Variants in USP34 observed in about 807,000 individuals in gnomAD.
USP34 encodes the protein ubiquitin carboxyl-terminal hydrolase 34.
USP34 carries 70 observed loss-of-function variants against 460.3 expected under a neutral mutation model. The ratio of observed to expected loss-of-function variants is 0.15; its 90% CI spans 0.13 to 0.19. USP34 has a LOEUF of 0.19. Among genes scored for constraint, USP34 ranks in the 10% least tolerant of loss-of-function variants. The pLI is 1.00. For synonymous variants in USP34, 1,647 were observed against 1,405.3 expected (o/e 1.17, Z -3.85); for missense variants, 3,985 against 4,236.2 (o/e 0.94, Z 1.65).
At chr2:61,435,537 A>G (rs919415420) in intron 1 of USP34, among the ~76,000 whole-genome samples, 7 of 152,108 alleles carry the variant, frequency 4.6e-5, no homozygotes, top group Non-Finnish European at 8.8e-5. Flanking sequence ...AAACCTTCAC[A>G]AACAAAGAAA....
At chr2:61,305,942 T>C (rs1485854268) in intron 27 of USP34, among the ~76,000 whole-genome samples, 2 of 152,184 alleles carry the variant, frequency 1.3e-5, no homozygotes, top group East Asian at 1.9e-4. Context: ...GGTTGTTTTT[T>C]TCTTGTAAAT....
At position 61,301,020 on chromosome 2, in the gene USP34, A is replaced by C. The variant is rs372057960; in HGVS notation, c.4059T>G (p.Leu1353=). 6.2e-7 allele frequency: 1 copy of C among 1,614,030 alleles called. No homozygotes were observed. The highest frequency in any genetic ancestry group is 1.3e-5 in the African/African-American group (1 of 75,030). The stretch of plus-strand genomic sequence containing the variant: ...ATGCAAGCATCTCTAATAAATCAAA[A>C]AGAGTAGTTAAATGAGGCTCTTGTA... ...LLLQEPHLTT[L]FDLLEMLASF... Residue 1353 remains leucine (L), a synonymous_variant, in exon 29 of 80, where the codon CTT becomes CTG. Coordinates refer to ENST00000398571, the MANE Select transcript of USP34 (RefSeq NM_014709.4).
chr2:61,254,175 T>C (rs1380792364), intron 48 of USP34, among the ~76,000 whole-genome samples: 1 of 152,260 alleles, frequency 6.6e-6, no homozygotes, highest in Non-Finnish European at 1.5e-5. Flanking sequence ...GCTGTCATTG[T>C]CTTTCATCTC....
At chr2:61,457,478 G>GT (rs1472344363) in intron 1 of USP34, among the ~76,000 whole-genome samples, 5 of 152,206 alleles carry the variant, frequency 3.3e-5, no homozygotes, top group Non-Finnish European at 7.3e-5. Flanking sequence ...CAAAGAAACG[G>GT]TTTTTTCTGG....
At chr2:61,256,976 TA>T in intron 46 of USP34, 26 bp from the exon 47 acceptor site, 1 of 1,434,930 alleles carries the variant, frequency 7.0e-7, no homozygotes, top group South Asian at 1.7e-5. Context: ...AAAAAATTAA[TA>T]AAAACTAGTA....
chr2:61,299,213 T>C (rs1229926979), intron 29 of USP34, among the ~76,000 whole-genome samples: 1 of 152,002 alleles, frequency 6.6e-6, no homozygotes, highest in African/African-American at 2.4e-5. Context: ...AAACACATCA[T>C]GGAAACGGGA....
At chr2:61,263,849 T>C (rs1419396756) in intron 43 of USP34, among the ~76,000 whole-genome samples, 29 of 152,178 alleles carry the variant, frequency 1.9e-4, no homozygotes, top group Admixed American at 1.9e-3. Context: ...CTTTGTCCAC[T>C]TTCTAATGGG....
chr2:61,455,367 A>C (rs1420568395), intron 1 of USP34, among the ~76,000 whole-genome samples: 2 of 151,712 alleles, frequency 1.3e-5, no homozygotes, highest in African/African-American at 4.8e-5. Flanking sequence ...TAATAGAGAC[A>C]GAATTTCACC....
At chr2:61,395,733 C>T (rs1287139709) in intron 3 of USP34, among the ~76,000 whole-genome samples, 1 of 129,602 alleles carries the variant, frequency 7.7e-6, no homozygotes, top group African/African-American at 3.1e-5. Flanking sequence ...TTGCAGTGAG[C>T]GGAGATCGCG....
chr2:61,316,224 G>GA (rs1389981235), intron 23 of USP34, among the ~76,000 whole-genome samples: 5 of 151,638 alleles, frequency 3.3e-5, no homozygotes, highest in African/African-American at 1.2e-4. Context: ...TAAAAAAACT[G>GA]AAAAAACCTA....
At chr2:61,458,559 C>CAAA (rs1385135988) in intron 1 of USP34, among the ~76,000 whole-genome samples, 1 of 28,878 alleles carries the variant, frequency 3.5e-5, no homozygotes, top group Non-Finnish European at 6.1e-5. Context: ...GAAACTGTCT[C>CAAA]AGAAAAAAAA....
chr2:61,284,983 A>C, intron 34 of USP34, 26 bp from the exon 35 acceptor site: 1 of 1,557,726 alleles, frequency 6.4e-7, no homozygotes, highest in Non-Finnish European at 8.8e-7. Flanking sequence ...ATTTTAAAAG[A>C]TATTTAAATA....
At chr2:61,412,060 A>G (rs1029212334) in intron 2 of USP34, among the ~76,000 whole-genome samples, 1 of 151,940 alleles carries the variant, frequency 6.6e-6, no homozygotes, top group Non-Finnish European at 1.5e-5. Context: ...CTGGTGGCAC[A>G]TGCCTATAAT....
intron 1 of USP34, among the ~76,000 whole-genome samples, chr2:61,425,139 G>A (rs561816744): frequency 5.9e-5 from 9 of 152,026 alleles, no homozygotes; most frequent in African/African-American, 9.7e-5. Context: ...GAAAACAGGT[G>A]GGAGGCAGAG....
chr2:61,396,112 A>G lies in USP34; in HGVS notation c.553-879T>C, dbSNP rs541890172. 1.6e-3 allele frequency among the ~76,000 whole-genome samples: 250 copies of G among 152,164 alleles called. 1 individual carries two copies. Among genetic ancestry groups the G allele is most frequent in the African/African-American group, 5.6e-3 (231 of 41,522 alleles). ...AAGGTAATTCTGATAAAAATACATG[A>G]TAGTTAAGTGGTTTTTGTTTTGAAA... On this transcript the variant is annotated intron_variant, in intron 3 of 79. Coordinates refer to ENST00000398571, the MANE Select transcript of USP34 (RefSeq NM_014709.4).
At position 61,214,184 on chromosome 2, in the gene USP34, G is replaced by C. The variant is rs770092798; in HGVS notation, c.8558C>G (p.Ala2853Gly). The change falls in exon 68 of 80, where the codon GCG becomes GGG. Residue 2853 changes from alanine (A) to glycine (G), a missense_variant. Physicochemically the swap from Ala to Gly is moderately conservative, Grantham distance 60 (BLOSUM62 0). Coordinates refer to ENST00000398571, the MANE Select transcript of USP34 (RefSeq NM_014709.4). ...VVLFNRGMLP[A>G]YYGILRLCCE... ...GCAGAGCCTCAGAATGCCATAGTAC[G>C]CTGGCAGCATCCCACGGTTAAAAAG... is the stretch of plus-strand genomic sequence containing the variant. 1 of 1,614,172 alleles carries C rather than the reference G, an allele frequency of 6.2e-7. No individual in the cohort carries two copies. The highest frequency in any genetic ancestry group is 2.2e-5 in the East Asian group (1 of 44,886).
chr2:61,227,147 T>G lies in USP34; in HGVS notation c.7515A>C (p.Ala2505=). The G allele has an allele frequency of 6.2e-7, 1 of 1,614,094 alleles. No homozygotes were observed. The highest frequency in any genetic ancestry group is 8.5e-7 in the Non-Finnish European group (1 of 1,179,990). The change falls in exon 62 of 80, where the codon GCA becomes GCC. Residue 2505 remains alanine, a synonymous_variant. Transcript: ENST00000398571. ...EEEEEDILSL[A]EEKYRPAALE... ...GGGCAGCTGGCCTGTATTTTTCTTCTGCCAGAGAGAGGATATCTTCTTCCT... is the reference window on the plus strand; with the variant it reads ...GGGCAGCTGGCCTGTATTTTTCTTCGGCCAGAGAGAGGATATCTTCTTCCT...
chr2:61,265,084 T>C (rs1689007809), intron 43 of USP34, among the ~76,000 whole-genome samples: 4 of 152,206 alleles, frequency 2.6e-5, no homozygotes, highest in African/African-American at 7.2e-5. Flanking sequence ...TATTTATTTA[T>C]TTTTGTTTTT....
At chr2:61,237,716 G>A (rs934116827) in intron 53 of USP34, among the ~76,000 whole-genome samples, 2 of 150,606 alleles carry the variant, frequency 1.3e-5, no homozygotes, top group African/African-American at 4.9e-5. Flanking sequence ...CCACAGGTGC[G>A]TGCCACCATG....
Sources: gnomAD v4.1 joint callset for allele counts (sites outside exome capture counted in the v4.1 genomes callset) on GRCh38, gnomAD v4.1.1 for gene constraint, MANE v1.5 for transcripts, NCBI Gene and HGNC (gene_info 2026-07-23, HGNC 2026-07-21) for gene names.